CRISPLD2: variants seen among roughly 807,000 people sequenced by gnomAD.
The protein encoded by CRISPLD2 is cysteine-rich secretory protein LCCL domain-containing 2.
A neutral mutation model predicts 71.1 loss-of-function variants in CRISPLD2; 47 were observed. That is an observed-to-expected ratio of 0.66 (90% CI 0.52 to 0.84). CRISPLD2 has a LOEUF of 0.84. CRISPLD2 is among the 40% of genes least tolerant of loss of function. The pLI is 0.00. For synonymous variants in CRISPLD2, 317 were observed against 250.1 expected, an observed-to-expected ratio of 1.27 and a Z score of -2.52; for missense variants, 830 against 651.1, an observed-to-expected ratio of 1.27 and a Z score of -2.99.
At chr16:84,852,039 G>A (rs1273688468) in intron 5 of CRISPLD2, among the ~76,000 whole-genome samples, 2 of 152,274 alleles carry the variant, frequency 1.3e-5, no homozygotes, top group African/African-American at 2.4e-5. Flanking sequence ...AGATCAAGGT[G>A]TGGCAGATCA....
At position 84,908,812 on chromosome 16, in the gene CRISPLD2, C is replaced by T. The variant is rs1312873800; in HGVS notation, c.*2170C>T. On this transcript the variant is annotated 3_prime_UTR_variant, in exon 15 of 15. Coordinates refer to ENST00000262424, the MANE Select transcript of CRISPLD2 (RefSeq NM_031476.4). ...CAAGCAATTCTCATGCATCAGCCTC[C>T]CAAGTACCTGGGACTACAGGCGTGA... 6.6e-6 allele frequency: 1 copy of T among 151,706 alleles called. No homozygotes were observed. The highest frequency in any genetic ancestry group is 1.5e-5 in the Non-Finnish European group (1 of 68,054). The allele number at this position is 151,706 out of a possible 1,614,324, so 9.4% of individuals were successfully genotyped here.
chr16:84,836,396 G>A (rs1269771025), intron 1 of CRISPLD2: 1 of 152,206 alleles, frequency 6.6e-6, no homozygotes, highest in East Asian at 1.9e-4. Context: ...CAGGGATCCT[G>A]AGAAGTTCTG....
chr16:84,846,249 TC>T (rs1916911846), intron 3 of CRISPLD2: 1 of 81,610 alleles, frequency 1.2e-5, no homozygotes, highest in South Asian at 1.3e-4. Flanking sequence ...TCCCCTCCCC[TC>T]CCCTTCCCTT....
At chr16:84,843,026 G>A (rs916586166) in intron 2 of CRISPLD2, among the ~76,000 whole-genome samples, 2 of 152,202 alleles carry the variant, frequency 1.3e-5, no homozygotes, top group African/African-American at 4.8e-5. Flanking sequence ...CCAGTGAAAG[G>A]AGCTTCTTTG....
chr16:84,872,379 A>T, intron 8 of CRISPLD2, 63 bp from the exon 9 acceptor site: 1 of 1,317,606 alleles, frequency 7.6e-7, no homozygotes. Flanking sequence ...AAAATGATAA[A>T]CTCATTGTGA....
Position 84,906,614 on chromosome 16 carries a change from C to G in CRISPLD2, c.1466C>G (p.Ala489Gly). 6.2e-7 allele frequency: 1 copy of G among 1,613,614 alleles called. No homozygotes were observed. Among genetic ancestry groups the G allele is most frequent in the Non-Finnish European group, 8.5e-7 (1 of 1,180,028 alleles). Residue 489 changes from alanine to glycine, a missense_variant, in exon 15 of 15, where the codon GCC becomes GGC. Physicochemically the swap from Ala to Gly is moderately conservative, Grantham distance 60. Transcript: ENST00000262424. ...CTGGGGACTCCTCGGGATGGAAAGG[C>G]CTTCCGGATCTTTGCTGTCAGGCAG... ...ESLGTPRDGK[A>G]FRIFAVRQ is the part of the protein sequence containing the mutation.
intron 3 of CRISPLD2, chr16:84,849,183 G>T (rs1597456757): frequency 7.3e-6 from 4 of 547,232 alleles, no homozygotes; most frequent in Non-Finnish European, 1.3e-5. Context: ...CTCCCTCCTC[G>T]CTGCCCGTGG....
At chr16:84,827,989 C>T (rs562368270) in intron 1 of CRISPLD2, among the ~76,000 whole-genome samples, 8 of 152,330 alleles carry the variant, frequency 5.3e-5, no homozygotes, top group South Asian at 2.1e-4. Flanking sequence ...CTCACACCTT[C>T]GGTATTTACC....
chr16:84,834,515 G>C (rs1226747012), intron 1 of CRISPLD2, among the ~76,000 whole-genome samples: 1 of 152,206 alleles, frequency 6.6e-6, no homozygotes, highest in Non-Finnish European at 1.5e-5. Flanking sequence ...CACCAACCAG[G>C]TTCCAGCCAG....
chr16:84,889,752 TTGTGTGTGTGTGTGTGTG>T (rs60555979), intron 14 of CRISPLD2, among the ~76,000 whole-genome samples: 1 of 139,216 alleles, frequency 7.2e-6, no homozygotes, highest in African/African-American at 2.7e-5. Context: ...TTGTTTTTCT[TTGTGTGTGTGTGTGTGTG>T]TGTGTGTGTG....
intron 6 of CRISPLD2, among the ~76,000 whole-genome samples, chr16:84,861,322 A>G (rs183456378): frequency 1.6e-4 from 24 of 152,316 alleles, no homozygotes; most frequent in African/African-American, 4.8e-4. Context: ...CAGAACTAAT[A>G]GGATATATAT....
At chr16:84,878,245 A>G (rs573163347) in intron 12 of CRISPLD2, among the ~76,000 whole-genome samples, 7 of 142,296 alleles carry the variant, frequency 4.9e-5, no homozygotes, top group Non-Finnish European at 8.8e-5. Flanking sequence ...AAAGTACACA[A>G]TGTGTTTTGG....
At chr16:84,844,127 GGGCTGCCT>G (rs1482044944) in intron 2 of CRISPLD2, among the ~76,000 whole-genome samples, 1 of 152,254 alleles carries the variant, frequency 6.6e-6, no homozygotes. Flanking sequence ...AGCTGTGCCA[GGGCTGCCT>G]GGCATCTGTT....
At chr16:84,886,601 TCGTTTGAGGCCAGG>T (rs1409341415) in intron 13 of CRISPLD2, among the ~76,000 whole-genome samples, 1 of 151,970 alleles carries the variant, frequency 6.6e-6, no homozygotes, top group African/African-American at 2.4e-5. Flanking sequence ...GGTGGGAGGA[TCGTTTGAGGCCAGG>T]AGTTTGAGAC....
intron 11 of CRISPLD2, 101 bp downstream of exon 11, chr16:84,874,064 G>C (rs2934486): frequency 0.58 from 592,947 of 1,026,684 alleles, 177,217 homozygotes; most frequent in East Asian, 0.84. Context: ...TTTATCATGC[G>C]TGTGAACATT....
chr16:84,905,136 A>G (rs115494754), intron 14 of CRISPLD2, among the ~76,000 whole-genome samples: 244 of 152,184 alleles, frequency 1.6e-3, no homozygotes, highest in African/African-American at 5.3e-3. Flanking sequence ...AAATATATCA[A>G]TCAGGCTTGG....
rs376386514 is a variant in CRISPLD2 at position 84,892,383 on chromosome 16, C to T, written c.1439+3020C>T. Among the ~76,000 whole-genome samples the T allele has an allele frequency of 1.2e-4, 19 of 152,348 alleles. 1 individual carries two copies. The highest frequency in any genetic ancestry group is 5.8e-4 in the East Asian group (3 of 5,186). Reference sequence around the variant, plus strand: ...CAAACCTGACACAAGTCAGTCAGCACACACGTCCCACCCTTGCTCCAGCCT... The same window carrying T: ...CAAACCTGACACAAGTCAGTCAGCATACACGTCCCACCCTTGCTCCAGCCT... On this transcript the variant is annotated intron_variant, in intron 14 of 14. Transcript: ENST00000262424.
intron 2 of CRISPLD2, among the ~76,000 whole-genome samples, chr16:84,841,640 G>A (rs1190013466): frequency 1.3e-5 from 2 of 151,866 alleles, no homozygotes; most frequent in African/African-American, 2.4e-5. Flanking sequence ...CTGTCCCCCA[G>A]GCTGGAGTGC....
At chr16:84,839,567 C>G (rs1005638791) in intron 2 of CRISPLD2, 6 of 153,122 alleles carry the variant, frequency 3.9e-5, no homozygotes, top group African/African-American at 1.4e-4. Flanking sequence ...CAGAAGACAG[C>G]CAAGGTCAAC....
Sources: gnomAD v4.1 joint callset for allele counts (sites outside exome capture counted in the v4.1 genomes callset) on GRCh38, gnomAD v4.1.1 for gene constraint, MANE v1.5 for transcripts, NCBI Gene and HGNC (gene_info 2026-07-23, HGNC 2026-07-21) for gene names.